Variants in TMTC4 observed in about 807,000 individuals in gnomAD.
The protein encoded by TMTC4 is protein O-mannosyl-transferase TMTC4.
In TMTC4, 65 loss-of-function variants were observed where a neutral mutation model predicts 86.0. That is an observed-to-expected ratio of 0.76 (90% CI 0.62 to 0.93). The LOEUF is 0.93. TMTC4 is among the 40% of genes least tolerant of loss of function. The pLI is 0.00. For missense variants in TMTC4, 866 were observed against 948.1 expected, an observed-to-expected ratio of 0.91 and a Z score of 1.14; for synonymous variants, 379 against 382.5, an observed-to-expected ratio of 0.99 and a Z score of 0.11.
chr13:100,628,094 T>C (rs545058458), intron 12 of TMTC4, among the ~76,000 whole-genome samples: 3 of 152,324 alleles, frequency 2.0e-5, no homozygotes, highest in Admixed American at 1.3e-4. Flanking sequence ...AGAGATGTGA[T>C]GGGTGACCAG....
At chr13:100,658,443 T>C (rs1885370578) in intron 5 of TMTC4, among the ~76,000 whole-genome samples, 1 of 151,982 alleles carries the variant, frequency 6.6e-6, no homozygotes, top group Admixed American at 6.6e-5. Flanking sequence ...CAGGATGGAC[T>C]GGAATCCCAA....
intron 12 of TMTC4, among the ~76,000 whole-genome samples, chr13:100,628,853 A>T (rs1178674213): frequency 6.6e-6 from 1 of 152,212 alleles, no homozygotes; most frequent in African/African-American, 2.4e-5. Context: ...AGACTACAAT[A>T]AAAAGAATTT....
intron 6 of TMTC4, among the ~76,000 whole-genome samples, chr13:100,646,922 C>G (rs1883829847): frequency 6.6e-6 from 1 of 152,146 alleles, no homozygotes; most frequent in African/African-American, 2.4e-5. Flanking sequence ...TTGGCAGGCA[C>G]TAAAGCTCTA....
chr13:100,625,278 T>C (rs1880286202), intron 15 of TMTC4: 5 of 491,078 alleles, frequency 1.0e-5, no homozygotes, highest in Non-Finnish European at 1.8e-5. Context: ...GACTTTAACA[T>C]GTTAATTTAT....
rs147946428 is a variant in TMTC4 at position 100,606,988 on chromosome 13, T to G, written c.2065-561A>C. Among the ~76,000 whole-genome samples the G allele has an allele frequency of 1.3e-4, 20 of 152,322 alleles. No individual in the cohort carries two copies. The South Asian group carries it at 3.7e-3, about 28-fold the overall frequency. On this transcript the variant is annotated intron_variant, in intron 17 of 18. Coordinates refer to ENST00000342624, the MANE Select transcript of TMTC4 (RefSeq NM_032813.5). ...ACCAAATGCCCCTGATGGGTGTGAA[T>G]TGATTCTTGCACAGCCTTGCATTTC...
intron 1 of TMTC4, chr13:100,674,089 G>A: frequency 1.0e-6 from 1 of 985,132 alleles, no homozygotes; most frequent in Non-Finnish European, 1.2e-6. Flanking sequence ...AGAGTTCGCA[G>A]GAGGTGGGCA....
chr13:100,639,195 G>A (rs1366462865), intron 7 of TMTC4, among the ~76,000 whole-genome samples: 1 of 152,192 alleles, frequency 6.6e-6, no homozygotes, highest in East Asian at 1.9e-4. Context: ...ATCATCAGAA[G>A]TCAGTGGTAA....
chr13:100,614,855 C>G, intron 15 of TMTC4: 1 of 912,022 alleles, frequency 1.1e-6, no homozygotes, highest in Non-Finnish European at 1.3e-6. Flanking sequence ...TTCATAAGTT[C>G]ATTGTTGATA....
chr13:100,624,000 T>C, intron 15 of TMTC4: 1 of 335,156 alleles, frequency 3.0e-6, no homozygotes. Context: ...GACCTCCATC[T>C]CTAGGCCAGT....
intron 7 of TMTC4, among the ~76,000 whole-genome samples, chr13:100,641,734 G>A (rs557296218): frequency 6.6e-6 from 1 of 152,086 alleles, no homozygotes; most frequent in African/African-American, 2.4e-5. Flanking sequence ...TGATCTGCCC[G>A]CCTTGGCCTC....
At chr13:100,670,071 G>T (rs2139070969) in intron 2 of TMTC4, among the ~76,000 whole-genome samples, 1 of 152,304 alleles carries the variant, frequency 6.6e-6, no homozygotes, top group South Asian at 2.1e-4. Flanking sequence ...GGCACAGAAT[G>T]ATTTTCTGTG....
chr13:100,674,888 A>C (rs1459105268), upstream of TMTC4: 4 of 964,544 alleles, frequency 4.1e-6, no homozygotes, highest in African/African-American at 1.8e-5. Context: ...GCAGCTCCCC[A>C]CGCGCGCGGG....
chr13:100,674,794 C>T lies in TMTC4; in HGVS notation c.-258G>A. The T allele has an allele frequency of 1.0e-6, 1 of 983,696 alleles. No homozygotes were observed. Among genetic ancestry groups the T allele is most frequent in the Non-Finnish European group, 1.2e-6 (1 of 829,156 alleles). 60.9% of individuals were successfully genotyped at this position (983,696 alleles called of 1,614,324 possible). On this transcript the variant is annotated 5_prime_UTR_variant, in exon 1 of 19. Coordinates refer to ENST00000342624, the MANE Select transcript of TMTC4 (RefSeq NM_032813.5). ...CATCTCCCTCCCGGGTGCGGAAACTCTGGCGGCTCCAGGCACCCGCCCGGA... is the reference window on the plus strand; with the variant it reads ...CATCTCCCTCCCGGGTGCGGAAACTTTGGCGGCTCCAGGCACCCGCCCGGA...
At chr13:100,616,062 ATT>A (rs58508488) in intron 15 of TMTC4, among the ~76,000 whole-genome samples, 3 of 146,898 alleles carry the variant, frequency 2.0e-5, no homozygotes, top group African/African-American at 7.5e-5. Context: ...AAAGGACATG[ATT>A]TTTTTTTTTT....
intron 15 of TMTC4, among the ~76,000 whole-genome samples, chr13:100,617,257 C>T (rs1341233524): frequency 6.6e-6 from 1 of 152,182 alleles, no homozygotes; most frequent in African/African-American, 2.4e-5. Context: ...ACCTTGGTCT[C>T]CCAGGTAGCT....
Position 100,635,177 on chromosome 13 carries a change from C to T in TMTC4, c.1221G>A (p.Leu407=). ...GGAGAAATGGGATAACGAGAAATCC[C>T]AGGCCCAGAGTAAGGATCCTGGATG... ...GHKRRILTLG[L]GFLVIPFLPA... Residue 407 remains leucine (L), a synonymous_variant, in exon 11 of 19, where the codon CTG becomes CTA. Coordinates refer to ENST00000342624, the MANE Select transcript of TMTC4 (RefSeq NM_032813.5). 2 of 1,607,940 alleles carry T rather than the reference C, an allele frequency of 1.2e-6. No individual in the cohort carries two copies. Among genetic ancestry groups the T allele is most frequent in the Non-Finnish European group, 1.7e-6 (2 of 1,177,508 alleles).
intron 2 of TMTC4, among the ~76,000 whole-genome samples, chr13:100,670,122 C>T (rs1391699404): frequency 6.6e-6 from 1 of 152,148 alleles, no homozygotes; most frequent in African/African-American, 2.4e-5. Flanking sequence ...TACCGAGGCT[C>T]CTGTCTTTAC....
intron 1 of TMTC4, 62 bp downstream of exon 1, chr13:100,674,682 C>G: frequency 1.0e-6 from 1 of 983,116 alleles, no homozygotes; most frequent in South Asian, 4.7e-5. Flanking sequence ...GCGCCCGCTC[C>G]GCGTCCAACT....
chr13:100,659,281 T>C (rs1314295987), intron 5 of TMTC4, among the ~76,000 whole-genome samples: 1 of 152,188 alleles, frequency 6.6e-6, no homozygotes, highest in African/African-American at 2.4e-5. Context: ...AATTTTTTAC[T>C]TCTAGAGACA....
Sources: allele counts gnomAD v4.1 joint callset (sites outside exome capture counted in the v4.1 genomes callset), GRCh38; gene constraint gnomAD v4.1.1; transcripts MANE v1.5; gene names NCBI Gene and HGNC (gene_info 2026-07-23, HGNC 2026-07-21).